Variants in MAP3K15 observed in about 807,000 individuals in gnomAD.
The protein encoded by MAP3K15 is mitogen-activated protein kinase kinase kinase 15.
MAP3K15 carries 124 observed loss-of-function variants against 99.5 expected under a neutral mutation model. The observed-to-expected ratio is 1.25, with a 90% CI of 1.08 to 1.45. MAP3K15 has a LOEUF of 1.45. Among genes scored for constraint, MAP3K15 ranks in the 40% most tolerant of loss-of-function variants. The pLI is 0.00. For synonymous variants in MAP3K15, 494 were observed against 439.6 expected, an observed-to-expected ratio of 1.12 and a Z score of -1.55; for missense variants, 1,242 against 1,079.7, an observed-to-expected ratio of 1.15 and a Z score of -2.11.
rs750985312 is a variant in MAP3K15 at position 19,434,799 on chromosome X, G to A, written c.996-3191C>T. Among the ~76,000 whole-genome samples the A allele has an allele frequency of 7.1e-5, 8 of 111,940 alleles. No individual in the cohort carries two copies. The East Asian group carries it at 2.2e-3, about 31-fold the overall frequency. On this transcript the variant is annotated intron_variant, in intron 6 of 28. Transcript: ENST00000338883. ...TACAATAGATGCCAGCGGGCATTAGGACTTAATTCTCTTGTGGAACCCAAC... is the reference window on the plus strand; with the variant it reads ...TACAATAGATGCCAGCGGGCATTAGAACTTAATTCTCTTGTGGAACCCAAC...
In MAP3K15 at chrX:19,413,461, G is replaced by T; in HGVS notation, c.1594C>A (p.Leu532Met). Reference sequence around the variant, plus strand: ...TACACTTTGGTTGGCTCTATGACCAGAACCTGAAACAAGAACAGATGCCTG... The same window carrying T: ...TACACTTTGGTTGGCTCTATGACCATAACCTGAAACAAGAACAGATGCCTG... ...EVTNGLRFPV[L>M]VIEPTKVYQP... The change falls in exon 11 of 29, where the codon CTG becomes ATG. Residue 532 changes from leucine to methionine, a missense_variant. Physicochemically the swap from Leu to Met is conservative, Grantham distance 15. Transcript: ENST00000338883. 1.7e-6 allele frequency: 2 copies of T among 1,191,066 alleles called. No individual in the cohort carries two copies. The highest frequency in any genetic ancestry group is 2.3e-6 in the Non-Finnish European group (2 of 879,811).
At chrX:19,456,818 C>T (rs1209859822) in intron 6 of MAP3K15, 95 bp downstream of exon 6, 17 of 594,187 alleles carry the variant, frequency 2.9e-5, no homozygotes, top group Admixed American at 2.3e-4. Flanking sequence ...GCATTTAGCA[C>T]GTGACCTGGC....
In MAP3K15 at chrX:19,488,063, G is replaced by A. The variant is rs774190476; in HGVS notation, c.501+765C>T. On this transcript the variant is annotated intron_variant, in intron 2 of 28. Coordinates refer to ENST00000338883, the MANE Select transcript of MAP3K15 (RefSeq NM_001001671.4). ...GTAATTCTGAAGTGCACTCAAGGCC[G>A]AGAAGCACTGCTATAAACAAACTAA... Among the ~76,000 whole-genome samples, 7 of 111,533 alleles carry A rather than the reference G, an allele frequency of 6.3e-5. No individual in the cohort carries two copies. In the South Asian group the frequency reaches 1.5e-3, roughly 24 times the overall value.
chrX:19,497,061 G>A (rs1021840264), intron 1 of MAP3K15: 1 of 111,167 alleles, frequency 9.0e-6, no homozygotes, highest in Non-Finnish European at 1.9e-5. Context: ...TCTGCATCAA[G>A]CACTCCATAG....
intron 7 of MAP3K15, among the ~76,000 whole-genome samples, chrX:19,430,687 C>T (rs1054082009): frequency 9.0e-5 from 10 of 110,997 alleles, no homozygotes; most frequent in African/African-American, 3.3e-4. Context: ...TACCCTCTTC[C>T]TGTTTCATGT....
intron 7 of MAP3K15, 46 bp downstream of exon 7, chrX:19,431,392 T>G: frequency 1.7e-6 from 2 of 1,155,689 alleles, no homozygotes; most frequent in Non-Finnish European, 2.3e-6. Context: ...TGCGATTCTG[T>G]TCCTTGAAGA....
At chrX:19,431,717 G>C (rs139897557) in intron 6 of MAP3K15, 109 bp from the exon 7 acceptor site, 15 of 616,910 alleles carry the variant, frequency 2.4e-5, no homozygotes, top group Non-Finnish European at 2.8e-5. Context: ...AGGCCGAAGC[G>C]GGTAGATCAT....
Position 19,379,441 on chromosome X carries a change from C to CTTT in MAP3K15, c.2589+676_2589+678dup, listed in dbSNP as rs770431394. On this transcript the variant is annotated intron_variant, in intron 19 of 28. Coordinates refer to ENST00000338883, the MANE Select transcript of MAP3K15 (RefSeq NM_001001671.4). ...AGATATGAGAAGTTTAGTGTTTTTCCTTTTTTTTTTTTTTTTTTTTTTTTT... is the reference window on the plus strand; with the variant it reads ...AGATATGAGAAGTTTAGTGTTTTTCCTTTTTTTTTTTTTTTTTTTTTTTTTTTT... 1.8e-3 allele frequency among the ~76,000 whole-genome samples: 115 copies of CTTT among 62,317 alleles called. 7 individuals are homozygous for CTTT. The highest frequency in any genetic ancestry group is 7.8e-3 in the African/African-American group (81 of 10,426). 54.1% of individuals were successfully genotyped at this position (62,317 alleles called of 115,157 possible). A position where few individuals can be genotyped will look rare whatever the true frequency, so the allele number is the denominator to read the frequency against.
intron 3 of MAP3K15, among the ~76,000 whole-genome samples, chrX:19,481,014 T>C (rs1211794207): frequency 2.0e-5 from 2 of 102,492 alleles, no homozygotes; most frequent in African/African-American, 7.5e-5. Context: ...ACTCGGGAGG[T>C]TGAGGTGGAA....
intron 22 of MAP3K15, among the ~76,000 whole-genome samples, chrX:19,372,006 G>A (rs901489083): frequency 7.3e-5 from 8 of 109,435 alleles, no homozygotes; most frequent in East Asian, 2.8e-4. Flanking sequence ...GGTGGCAGGC[G>A]CTGTGTAATC....
At chrX:19,449,539 G>A (rs1356937821) in intron 6 of MAP3K15, among the ~76,000 whole-genome samples, 1 of 108,467 alleles carries the variant, frequency 9.2e-6, no homozygotes, top group African/African-American at 3.3e-5. Flanking sequence ...CGGGGGGAGT[G>A]GTATTGGCAT....
Position 19,373,534 on chromosome X carries a change from A to G in MAP3K15, c.2933+2T>C, listed in dbSNP as rs1211299399. ...CGGCAGACAGACAGAATACGGGTGT[A>G]CCTGAGGAGGTGGCCAAGGTGGTGC... On this transcript the variant is annotated splice_donor_variant, in intron 21 of 28. Coordinates refer to ENST00000338883, the MANE Select transcript of MAP3K15 (RefSeq NM_001001671.4). LOFTEE classifies it high-confidence loss of function. The G allele has an allele frequency of 1.7e-6, 2 of 1,166,965 alleles. No individual in the cohort carries two copies. The highest frequency in any genetic ancestry group is 5.2e-5 in the Admixed American group (2 of 38,636).
At chrX:19,407,727 G>C (rs1287963668) in intron 12 of MAP3K15, among the ~76,000 whole-genome samples, 1 of 112,381 alleles carries the variant, frequency 8.9e-6, no homozygotes, top group East Asian at 2.8e-4. Flanking sequence ...ACATGGCACT[G>C]TAGCTCAAGA....
intron 24 of MAP3K15, 109 bp downstream of exon 24, chrX:19,370,850 A>G: frequency 1.6e-6 from 1 of 609,754 alleles, no homozygotes; most frequent in Non-Finnish European, 2.7e-6. Flanking sequence ...ATTCCAAGGA[A>G]GTAGATAACC....
chrX:19,431,963 A>T (rs1052420991), intron 6 of MAP3K15, among the ~76,000 whole-genome samples: 8 of 98,661 alleles, frequency 8.1e-5, no homozygotes, highest in East Asian at 6.3e-4. Flanking sequence ...TTTTTTTTTT[A>T]AAAAGACAGT....
intron 20 of MAP3K15, among the ~76,000 whole-genome samples, chrX:19,373,933 C>G (rs766588775): frequency 9.0e-6 from 1 of 111,418 alleles, no homozygotes; most frequent in Non-Finnish European, 1.9e-5. Context: ...TGACCCCGAT[C>G]GGTACCAGGG....
At chrX:19,457,924 T>C (rs2064105629) in intron 5 of MAP3K15, among the ~76,000 whole-genome samples, 1 of 111,697 alleles carries the variant, frequency 9.0e-6, no homozygotes, top group Admixed American at 9.5e-5. Flanking sequence ...ACTGAAAATG[T>C]CTCCAGACAC....
rs369383239 is a variant in MAP3K15, at chrX:19,429,760, AAG to A, written c.1166+1676_1166+1677del. Among the ~76,000 whole-genome samples the A allele has an allele frequency of 1.6e-3, 54 of 33,212 alleles. 4 individuals carry two copies. Among genetic ancestry groups the A allele is most frequent in the East Asian group, 0.01 (6 of 591 alleles). 28.8% of individuals were successfully genotyped at this position (33,212 alleles called of 115,157 possible). Reference sequence around the variant, plus strand: ...CAGAGCCTCCTGTGTGTATGAAAGGAAGAGAGAGAGAGAGAGAGAGAGAGAGA... The same window carrying A: ...CAGAGCCTCCTGTGTGTATGAAAGGAAGAGAGAGAGAGAGAGAGAGAGAGA... On this transcript the variant is annotated intron_variant, in intron 7 of 28. Coordinates refer to ENST00000338883, the MANE Select transcript of MAP3K15 (RefSeq NM_001001671.4).
intron 6 of MAP3K15, among the ~76,000 whole-genome samples, chrX:19,437,350 A>G (rs981498787): frequency 2.7e-4 from 30 of 111,015 alleles, no homozygotes; most frequent in African/African-American, 9.8e-4. Flanking sequence ...GCAAACACCA[A>G]TTTTCTTCCA....
Sources: gnomAD v4.1 joint callset for allele counts (sites outside exome capture counted in the v4.1 genomes callset) on GRCh38, gnomAD v4.1.1 for gene constraint, MANE v1.5 for transcripts, NCBI Gene and HGNC (gene_info 2026-07-23, HGNC 2026-07-21) for gene names.